SOS1: variants seen among roughly 807,000 people sequenced by gnomAD.
SOS1 encodes son of sevenless homolog 1.
Under a neutral mutation model 157.6 loss-of-function variants are expected in SOS1, and 25 were observed. The observed-to-expected ratio is 0.16, with a 90% confidence interval of 0.12 to 0.22. SOS1 has a LOEUF of 0.22. SOS1 is among the 10% of genes least tolerant of loss of function. SOS1 has a pLI of 1.00. For missense variants in SOS1, 1,237 were observed against 1,599.1 expected (o/e 0.77, Z 3.86); for synonymous variants, 528 against 534.0 (o/e 0.99, Z 0.16).
chr2:39,055,679 A>C (rs1181762446), intron 4 of SOS1, among the ~76,000 whole-genome samples: 2 of 152,214 alleles, frequency 1.3e-5, no homozygotes, highest in Admixed American at 1.3e-4. Context: ...TAATATTCCA[A>C]ATCAGTAAGA....
At chr2:39,110,033 T>TGC (rs1308313928) in intron 1 of SOS1, among the ~76,000 whole-genome samples, 4 of 130,536 alleles carry the variant, frequency 3.1e-5, no homozygotes, top group African/African-American at 1.1e-4. Context: ...CAGTTGTGTG[T>TGC]GTGTGCGTGT....
At chr2:39,124,725 T>G (rs1260570191), upstream of SOS1, among the ~76,000 whole-genome samples, 2 of 152,242 alleles carry the variant, frequency 1.3e-5, no homozygotes, top group Admixed American at 1.3e-4. Context: ...TAACCTGGTA[T>G]CCATGGCCTT....
At chr2:39,054,989 A>C (rs1007684140) in intron 4 of SOS1, among the ~76,000 whole-genome samples, 166 bp from the exon 5 acceptor site, 1 of 152,178 alleles carries the variant, frequency 6.6e-6, no homozygotes, top group Non-Finnish European at 1.5e-5. Context: ...AGCTTCTCTA[A>C]AACAGAATTC....
At chr2:39,034,979 AAAG>A (rs1401483162) in intron 8 of SOS1, 6 of 595,082 alleles carry the variant, frequency 1.0e-5, no homozygotes, top group Non-Finnish European at 3.0e-6. Context: ...AAAATAAAAA[AAAG>A]AAAAAACAAA....
intron 1 of SOS1, among the ~76,000 whole-genome samples, chr2:39,115,829 C>T (rs1403353355): frequency 2.0e-5 from 3 of 152,188 alleles, no homozygotes; most frequent in Non-Finnish European, 4.4e-5. Flanking sequence ...GGATTTTTTC[C>T]AGTTTTTGAC....
chr2:39,094,385 C>A (rs904994561), intron 1 of SOS1, among the ~76,000 whole-genome samples: 1 of 152,060 alleles, frequency 6.6e-6, no homozygotes, highest in African/African-American at 2.4e-5. Flanking sequence ...CAGTAGCTCA[C>A]GCCTGTAATC....
chr2:38,999,444 C>A (rs1229231384), intron 17 of SOS1, among the ~76,000 whole-genome samples: 1 of 152,152 alleles, frequency 6.6e-6, no homozygotes, highest in Non-Finnish European at 1.5e-5. Context: ...TTGAACAGAT[C>A]AGCAATAATG....
chr2:39,030,193 TATA>T (rs1670108595), intron 8 of SOS1, among the ~76,000 whole-genome samples: 1 of 81,112 alleles, frequency 1.2e-5, no homozygotes, highest in Non-Finnish European at 2.6e-5. Flanking sequence ...AAATAAAAAA[TATA>T]AGATCAGGAT....
At chr2:39,044,869 C>CACACAA (rs1432758648) in intron 6 of SOS1, among the ~76,000 whole-genome samples, 2 of 151,876 alleles carry the variant, frequency 1.3e-5, no homozygotes, top group African/African-American at 4.8e-5. Context: ...CGCGCGCACA[C>CACACAA]ACACACACAC....
chr2:39,110,955 G>C (rs1673409665), intron 1 of SOS1, among the ~76,000 whole-genome samples: 1 of 152,068 alleles, frequency 6.6e-6, no homozygotes, highest in Non-Finnish European at 1.5e-5. Flanking sequence ...ACAAAAATGG[G>C]CCAGGCATGG....
rs1248912633 is a variant in SOS1, at chr2:38,984,727, C to A, written c.*1097G>T. The stretch of plus-strand genomic sequence containing the variant: ...ATATAATAATTTAATATATGCCAGC[C>A]AAACAAAGTATTTGTATCTTTATTC... On this transcript the variant is annotated 3_prime_UTR_variant, in exon 23 of 23. Transcript: ENST00000402219. 1 of 152,018 alleles carries A rather than the reference C, an allele frequency of 6.6e-6. No individual in the cohort carries two copies. The allele number at this position is 152,018 out of a possible 1,614,324, so 9.4% of individuals were successfully genotyped here. A position where few individuals can be genotyped will look rare whatever the true frequency, so the allele number is the denominator to read the frequency against.
At chr2:38,990,170 G>GTTTTTTTTTTTTTTT (rs57752950) in intron 20 of SOS1, among the ~76,000 whole-genome samples, 1 of 135,186 alleles carries the variant, frequency 7.4e-6, no homozygotes, top group African/African-American at 2.7e-5. Context: ...TTCAGATTTC[G>GTTTTTTTTTTTTTTT]TTTTTTTTTT....
chr2:39,074,726 G>A (rs770948658), intron 1 of SOS1, among the ~76,000 whole-genome samples: 7 of 152,042 alleles, frequency 4.6e-5, no homozygotes, highest in Admixed American at 6.5e-5. Context: ...AATTAGCCGG[G>A]TATGGTGGCA....
intron 1 of SOS1, among the ~76,000 whole-genome samples, chr2:39,084,321 TA>T (rs1344085258): frequency 6.6e-6 from 1 of 152,066 alleles, no homozygotes; most frequent in Non-Finnish European, 1.5e-5. Context: ...GAAAACTCAT[TA>T]AAAAATGTAA....
At chr2:39,090,362 T>C (rs1376218544) in intron 1 of SOS1, among the ~76,000 whole-genome samples, 1 of 152,112 alleles carries the variant, frequency 6.6e-6, no homozygotes, top group Non-Finnish European at 1.5e-5. Context: ...CATAGTAACA[T>C]AGTAACTGAG....
In SOS1 at chr2:38,986,243, G is replaced by A. The variant is rs914957553; in HGVS notation, c.3583C>T (p.Arg1195Ter). The change falls in exon 23 of 23, where the codon CGA (arginine) becomes TGA (stop). Residue 1195 changes from arginine to a stop codon, truncating the protein, a stop_gained. Coordinates refer to ENST00000402219, the MANE Select transcript of SOS1 (RefSeq NM_005633.4). LOFTEE classifies it high-confidence loss of function. ...RQPTSKAYSP[R>*]YSISDRTSIS... is the part of the protein sequence containing the mutation. The stretch of plus-strand genomic sequence containing the variant: ...GAGGTCCGGTCTGATATTGAATATC[G>A]TGGTGAATAGGCTTTTGATGTGGGT... The A allele has an allele frequency of 1.2e-6, 2 of 1,613,796 alleles. No homozygotes were observed. Among genetic ancestry groups the A allele is most frequent in the South Asian group, 1.1e-5 (1 of 91,070 alleles).
At chr2:39,042,340 C>A (rs1442629820) in intron 6 of SOS1, among the ~76,000 whole-genome samples, 1 of 152,034 alleles carries the variant, frequency 6.6e-6, no homozygotes, top group African/African-American at 2.4e-5. Flanking sequence ...TCTTTCCATC[C>A]CTGAACATAG....
At position 39,054,619 on chromosome 2, in the gene SOS1, C is replaced by G; in HGVS notation, c.715G>C (p.Ala239Pro). The G allele has an allele frequency of 6.5e-7, 1 of 1,544,134 alleles. No individual in the cohort carries two copies. Among genetic ancestry groups the G allele is most frequent in the Non-Finnish European group, 8.9e-7 (1 of 1,117,420 alleles). ...ATATATACAATGATACTTACATTAGCTGAAAACAATTTTGAATTGGAGACA... is the reference window on the plus strand; with the variant it reads ...ATATATACAATGATACTTACATTAGGTGAAAACAATTTTGAATTGGAGACA... ...PFVSNSKLFSANDVENIFSRI... is the reference protein window; with the variant it reads ...PFVSNSKLFSPNDVENIFSRI... The change falls in exon 5 of 23, where the codon GCT becomes CCT. Residue 239 changes from alanine (A) to proline (P), a missense_variant. Ala to Pro is a conservative substitution (Grantham distance 27). This residue lies in a region of SOS1 where 108 missense variants were observed against 115.3 expected (regional missense o/e 0.94). Transcript: ENST00000402219.
At chr2:39,045,289 T>A (rs1196641538) in intron 6 of SOS1, among the ~76,000 whole-genome samples, 6 of 151,340 alleles carry the variant, frequency 4.0e-5, no homozygotes, top group Admixed American at 4.0e-4. Context: ...TGTGTGTGTG[T>A]GTGTGTGTGT....
Sources: allele counts gnomAD v4.1 joint callset (sites outside exome capture counted in the v4.1 genomes callset), GRCh38; gene constraint gnomAD v4.1.1; regional missense constraint gnomAD v4.1.1; transcripts MANE v1.5; gene names NCBI Gene and HGNC (gene_info 2026-07-23, HGNC 2026-07-21).